OR52E5: variants seen among roughly 807,000 people sequenced by gnomAD.
OR52E5 encodes olfactory receptor 52E5.
At chr11:5,899,886 T>C (rs778438743) in intron 2 of OR52E5, among the ~76,000 whole-genome samples, 6 of 152,132 alleles carry the variant, frequency 3.9e-5, no homozygotes, top group Non-Finnish European at 5.9e-5. Flanking sequence ...TCCATCAATA[T>C]ACCAGGGAAA....
chr11:5,900,300 T>G (rs1847231618), intron 2 of OR52E5, among the ~76,000 whole-genome samples: 1 of 152,142 alleles, frequency 6.6e-6, no homozygotes, highest in Non-Finnish European at 1.5e-5. Context: ...ATATTCTTAA[T>G]TTCTCAGATC....
intron 2 of OR52E5, among the ~76,000 whole-genome samples, chr11:5,899,866 C>A (rs1847224882): frequency 6.6e-6 from 1 of 152,154 alleles, no homozygotes; most frequent in African/African-American, 2.4e-5. Context: ...TGAACTTAAA[C>A]ATATCACTGT....
In OR52E5 at chr11:5,901,417, G is replaced by A; in HGVS notation, c.641G>A (p.Gly214Glu). ...GGATACATTGACATTTCTGTGATTG[G>A]ATTTTCCTATGTCCAGATCCTCCGA... is the stretch of plus-strand genomic sequence containing the variant. ...SVGYIDISVI[G>E]FSYVQILRAV... The change falls in exon 3 of 3, where the codon GGA (glycine) becomes GAA (glutamate). Residue 214 changes from glycine (G) to glutamate (E), a missense_variant. By Grantham distance (98) the Gly-to-Glu change is moderately conservative. Transcript: ENST00000610445. 1 of 401,506 alleles carries A rather than the reference G, an allele frequency of 2.5e-6. No homozygotes were observed. Among genetic ancestry groups the A allele is most frequent in the Non-Finnish European group, 4.4e-6 (1 of 226,310 alleles). The allele number at this position is 401,506 out of a possible 1,614,324, so 24.9% of individuals were successfully genotyped here.
rs994863885 is a variant in OR52E5 at position 5,901,919 on chromosome 11, C to T, written c.*159C>T. The T allele has an allele frequency of 7.6e-6, 3 of 396,272 alleles. No individual in the cohort carries two copies. The highest frequency in any genetic ancestry group is 1.3e-5 in the Non-Finnish European group (3 of 223,606). 24.5% of individuals were successfully genotyped at this position (396,272 alleles called of 1,614,324 possible). A position where few individuals can be genotyped will look rare whatever the true frequency, so the allele number is the denominator to read the frequency against. ...AGATTCCAAAACAATCTCTCTGTTT[C>T]ACCCATTAAAAGTGCAAAAAGTACT... On this transcript the variant is annotated 3_prime_UTR_variant, in exon 3 of 3. Transcript: ENST00000610445.
intron 2 of OR52E5, 148 bp from the exon 3 acceptor site, chr11:5,900,484 T>G: frequency 3.7e-6 from 1 of 267,656 alleles, no homozygotes; most frequent in Non-Finnish European, 7.0e-6. Flanking sequence ...CATATGGAAG[T>G]TTTTTCTTAG....
At chr11:5,897,523 TC>T (rs1013940486) in intron 2 of OR52E5, among the ~76,000 whole-genome samples, 1 of 152,260 alleles carries the variant, frequency 6.6e-6, no homozygotes, top group Non-Finnish European at 1.5e-5. Flanking sequence ...ATTTACCCAA[TC>T]TACCACTGAT....
chr11:5,898,660 G>A (rs1411893319), intron 2 of OR52E5, among the ~76,000 whole-genome samples: 1 of 152,064 alleles, frequency 6.6e-6, no homozygotes, highest in Non-Finnish European at 1.5e-5. Flanking sequence ...TCTACATATG[G>A]CTAGACAATT....
rs1418742140 is a variant in OR52E5 at position 5,901,064 on chromosome 11, TG to T, written c.290del (p.Gly97ValfsTer21). 1 of 401,664 alleles carries T rather than the reference TG, an allele frequency of 2.5e-6. No individual in the cohort carries two copies. Among genetic ancestry groups the T allele is most frequent in the Non-Finnish European group, 4.4e-6 (1 of 226,348 alleles). 24.9% of individuals were successfully genotyped at this position (401,664 alleles called of 1,614,324 possible). A position where few individuals can be genotyped will look rare whatever the true frequency, so the allele number is the denominator to read the frequency against. On this transcript the variant is annotated frameshift_variant, in exon 3 of 3. Coordinates refer to ENST00000610445, the MANE Select transcript of OR52E5 (RefSeq NM_001005166.5). LOFTEE classifies it low-confidence loss of function (END_TRUNC). ...FWFNLGEIAF[G>X]ACITQMYTIH... ...GGTTTAATCTTGGAGAGATTGCATT[TG>T]GTGCCTGCATCACACAGATGTATAC...
Position 5,901,293 on chromosome 11 carries a change from G to A in OR52E5, c.517G>A (p.Val173Ile). 1 of 401,772 alleles carries A rather than the reference G, an allele frequency of 2.5e-6. No homozygotes were observed. Among genetic ancestry groups the A allele is most frequent in the Non-Finnish European group, 4.4e-6 (1 of 226,402 alleles). 24.9% of individuals were successfully genotyped at this position (401,772 alleles called of 1,614,324 possible). ...FLILRLPFCG[V>I]RIIPHTYCEH... ...CATCCTGAGATTGCCTTTCTGTGGT[G>A]TCCGGATTATCCCTCATACCTATTG... Residue 173 changes from valine to isoleucine, a missense_variant, in exon 3 of 3, where the codon GTC becomes ATC. By Grantham distance (29) the Val-to-Ile change is conservative. Transcript: ENST00000610445.
chr11:5,896,104 G>T (rs1847170105), intron 2 of OR52E5, among the ~76,000 whole-genome samples: 1 of 151,498 alleles, frequency 6.6e-6, no homozygotes, highest in Non-Finnish European at 1.5e-5. Context: ...AATGTAGGTA[G>T]GAATATAAAT....
chr11:5,900,078 T>C (rs1847228272), intron 2 of OR52E5, among the ~76,000 whole-genome samples: 1 of 152,162 alleles, frequency 6.6e-6, no homozygotes, highest in African/African-American at 2.4e-5. Context: ...CAAAAGGCAC[T>C]GCAAAGTATC....
chr11:5,898,052 T>G (rs1847200010), intron 2 of OR52E5, among the ~76,000 whole-genome samples: 1 of 151,588 alleles, frequency 6.6e-6, no homozygotes, highest in Admixed American at 6.6e-5. Context: ...TTAGATGAAG[T>G]CTCCCTATGT....
intron 2 of OR52E5, among the ~76,000 whole-genome samples, chr11:5,897,281 C>T (rs1847189048): frequency 6.6e-6 from 1 of 152,146 alleles, no homozygotes; most frequent in Non-Finnish European, 1.5e-5. Context: ...TCTTGCCTCT[C>T]TACCTCCCTC....
At chr11:5,898,850 T>C (rs1395317728) in intron 2 of OR52E5, among the ~76,000 whole-genome samples, 1 of 152,122 alleles carries the variant, frequency 6.6e-6, no homozygotes, top group East Asian at 1.9e-4. Flanking sequence ...AGCCTTGGAG[T>C]ATAATTTGAA....
intron 2 of OR52E5, among the ~76,000 whole-genome samples, chr11:5,897,823 G>A (rs1847196405): frequency 6.6e-6 from 1 of 152,018 alleles, no homozygotes. Flanking sequence ...TGACTGGTGT[G>A]AGATGGTTTC....
At chr11:5,894,488 G>A (rs1847146883) in intron 1 of OR52E5, among the ~76,000 whole-genome samples, 1 of 152,176 alleles carries the variant, frequency 6.6e-6, no homozygotes, top group African/African-American at 2.4e-5. Flanking sequence ...AGGCTATGTA[G>A]ATTGTATGTT....
chr11:5,893,824 C>T (rs1847137400), intron 1 of OR52E5, among the ~76,000 whole-genome samples: 1 of 151,974 alleles, frequency 6.6e-6, no homozygotes, highest in Non-Finnish European at 1.5e-5. Context: ...ATAAAAAAGG[C>T]TTACTTTTTT....
rs914834572 is a variant in OR52E5, at chr11:5,893,806, C to CA, written c.-228+544dup. 1.7e-3 allele frequency among the ~76,000 whole-genome samples: 250 copies of CA among 151,406 alleles called. 1 individual carries two copies. The highest frequency in any genetic ancestry group is 5.5e-3 in the African/African-American group (227 of 41,316). On this transcript the variant is annotated intron_variant, in intron 1 of 2. Transcript: ENST00000610445. ...CCAACAACTAGATAATATAGAAATA[C>CA]AAAAAAAATAAAAAAGGCTTACTTT... is the stretch of plus-strand genomic sequence containing the variant.
chr11:5,896,647 A>G (rs1429352581), intron 2 of OR52E5, among the ~76,000 whole-genome samples: 1 of 152,200 alleles, frequency 6.6e-6, no homozygotes, highest in Non-Finnish European at 1.5e-5. Flanking sequence ...GATGATGATT[A>G]CAGTTATTTA....
Sources: gnomAD v4.1 joint callset for allele counts (sites outside exome capture counted in the v4.1 genomes callset) on GRCh38, gnomAD v4.1.1 for gene constraint, MANE v1.5 for transcripts, NCBI Gene and HGNC (gene_info 2026-07-23, HGNC 2026-07-21) for gene names.